The following DRC11 variants were observed in gnomAD, a reference collection of about 807,000 sequenced individuals.
DRC11 encodes IQ and AAA domain-containing protein 1.
chr2:236,327,486 C>G, the DRC11 span, among the ~76,000 whole-genome samples: 803 of 152,252 alleles, frequency 5.3e-3, 9 homozygotes, highest in African/African-American at 0.018. Context: ...TTCAAGCGAT[C>G]TGCCTGCCTT....
At chr2:236,486,937 C>T in the DRC11 span, 1 of 1,477,586 alleles carries the variant, frequency 6.8e-7, no homozygotes. The surrounding 1 kb of genome is among the most constrained non-coding windows in gnomAD (Gnocchi z 5.7). Flanking sequence ...TTAATACATA[C>T]AAATATAAAG....
At chr2:236,446,045 A>G in the DRC11 span, among the ~76,000 whole-genome samples, 1 of 152,056 alleles carries the variant, frequency 6.6e-6, no homozygotes, top group Non-Finnish European at 1.5e-5. The surrounding 1 kb of genome is among the most constrained non-coding windows in gnomAD (Gnocchi z 6.2). Flanking sequence ...GCATGTTAAG[A>G]GAGACAGTTA....
chr2:236,335,059 C>T, the DRC11 span, among the ~76,000 whole-genome samples: 1 of 152,144 alleles, frequency 6.6e-6, no homozygotes, highest in Non-Finnish European at 1.5e-5. This position sits in a 1 kb window ranked among gnomAD's most constrained non-coding sequence, Gnocchi z 5.6. Context: ...GCTGTGTTTC[C>T]TCTACAAATC....
chr2:236,478,285 T>G, the DRC11 span, among the ~76,000 whole-genome samples: 1 of 152,230 alleles, frequency 6.6e-6, no homozygotes, highest in African/African-American at 2.4e-5. The surrounding 1 kb of genome is among the most constrained non-coding windows in gnomAD (Gnocchi z 5.9). Context: ...AATTTTCCTC[T>G]TAATTTCTTC....
the DRC11 span, among the ~76,000 whole-genome samples, chr2:236,320,740 G>C: frequency 6.6e-6 from 1 of 152,190 alleles, no homozygotes; most frequent in Non-Finnish European, 1.5e-5. Flanking sequence ...ATGTGCTCAA[G>C]AGGAGCTAAT....
At chr2:236,463,911 C>T in the DRC11 span, among the ~76,000 whole-genome samples, 1 of 152,174 alleles carries the variant, frequency 6.6e-6, no homozygotes, top group African/African-American at 2.4e-5. This position sits in a 1 kb window ranked among gnomAD's most constrained non-coding sequence, Gnocchi z 5.0. Context: ...GATCCACTTC[C>T]AAGTCTATGC....
the DRC11 span, among the ~76,000 whole-genome samples, chr2:236,460,995 A>T: frequency 2.6e-5 from 4 of 152,172 alleles, no homozygotes; most frequent in African/African-American, 7.2e-5. The surrounding 1 kb of genome is among the most constrained non-coding windows in gnomAD (Gnocchi z 4.0). Flanking sequence ...ACCTCAGGTG[A>T]TCTGCCTGCC....
the DRC11 span, chr2:236,377,075 A>AT: frequency 7.3e-7 from 1 of 1,365,360 alleles, no homozygotes; most frequent in Non-Finnish European, 1.0e-6. The surrounding 1 kb of genome is among the most constrained non-coding windows in gnomAD (Gnocchi z 4.9). Flanking sequence ...CACGTGACAC[A>AT]TACATGTATT....
At chr2:236,356,496 G>T in the DRC11 span, among the ~76,000 whole-genome samples, 1 of 152,214 alleles carries the variant, frequency 6.6e-6, no homozygotes, top group Non-Finnish European at 1.5e-5. Flanking sequence ...CAGCTGGGGG[G>T]CCACGCGACG....
At chr2:236,315,501 A>C in the DRC11 span, among the ~76,000 whole-genome samples, 2,228 of 152,330 alleles carry the variant, frequency 0.015, 85 homozygotes, top group East Asian at 0.13. This position sits in a 1 kb window ranked among gnomAD's most constrained non-coding sequence, Gnocchi z 5.1. Context: ...TCCCGTTACT[A>C]GGTATATACC....
chr2:236,458,931 G>A, the DRC11 span, among the ~76,000 whole-genome samples: 1 of 152,124 alleles, frequency 6.6e-6, no homozygotes, highest in Admixed American at 6.5e-5. Context: ...TGTAATCCTG[G>A]CTACTCGGGA....
the DRC11 span, among the ~76,000 whole-genome samples, chr2:236,425,138 C>T: frequency 9.9e-5 from 15 of 152,044 alleles, no homozygotes; most frequent in Admixed American, 6.5e-4. Flanking sequence ...GTGCAGACAT[C>T]TCTTTGACAC....
chr2:236,315,385 A>AC, the DRC11 span, among the ~76,000 whole-genome samples: 2 of 152,162 alleles, frequency 1.3e-5, no homozygotes, highest in Non-Finnish European at 2.9e-5. This position sits in a 1 kb window ranked among gnomAD's most constrained non-coding sequence, Gnocchi z 5.1. Flanking sequence ...AGAAATAGGA[A>AC]CGTTTTTACA....
At chr2:236,504,804 T>C in the DRC11 span, among the ~76,000 whole-genome samples, 1 of 152,188 alleles carries the variant, frequency 6.6e-6, no homozygotes, top group Non-Finnish European at 1.5e-5. The surrounding 1 kb of genome is among the most constrained non-coding windows in gnomAD (Gnocchi z 5.0). Context: ...CAGGGGCTTT[T>C]CTCCCCACTT....
chr2:236,386,216 G>A, the DRC11 span, among the ~76,000 whole-genome samples: 1 of 150,644 alleles, frequency 6.6e-6, no homozygotes, highest in Non-Finnish European at 1.5e-5. Context: ...TCTATTGATT[G>A]GAATAGTTTC....
At chr2:236,469,185 T>A in the DRC11 span, among the ~76,000 whole-genome samples, 1 of 152,168 alleles carries the variant, frequency 6.6e-6, no homozygotes, top group East Asian at 1.9e-4. The surrounding 1 kb of genome is among the most constrained non-coding windows in gnomAD (Gnocchi z 5.8). Context: ...CATGTCCACA[T>A]CTATTTTTAT....
At chr2:236,340,417 C>T in the DRC11 span, among the ~76,000 whole-genome samples, 1 of 152,228 alleles carries the variant, frequency 6.6e-6, no homozygotes, top group African/African-American at 2.4e-5. Context: ...AGCCACCGTG[C>T]CTGGCCCTAA....
At chr2:236,470,312 C>T in the DRC11 span, among the ~76,000 whole-genome samples, 8 of 152,262 alleles carry the variant, frequency 5.3e-5, no homozygotes, top group South Asian at 2.1e-4. This position sits in a 1 kb window ranked among gnomAD's most constrained non-coding sequence, Gnocchi z 5.1. Context: ...CTCTTCGTGG[C>T]GCTTTGTTGT....
At chr2:236,458,844 G>C in the DRC11 span, among the ~76,000 whole-genome samples, 1 of 152,158 alleles carries the variant, frequency 6.6e-6, no homozygotes, top group East Asian at 1.9e-4. Flanking sequence ...TCAGGAGTTT[G>C]AGACCAGCTG....
Sources: gnomAD v4.1 joint callset for allele counts (sites outside exome capture counted in the v4.1 genomes callset) on GRCh38, gnomAD v4.1.1 for gene constraint, Gnocchi (gnomAD v3.1) non-coding constraint, MANE v1.5 for transcripts, NCBI Gene and HGNC (gene_info 2026-07-23, HGNC 2026-07-21) for gene names.